Variants in MAGI1 observed in about 807,000 individuals in gnomAD.
The protein encoded by MAGI1 is membrane associated guanylate kinase, WW and PDZ domain containing 1, also known as membrane-associated guanylate kinase, WW and PDZ domain-containing protein 1.
A neutral mutation model predicts 139.9 loss-of-function variants in MAGI1; 58 were observed. The ratio of observed to expected loss-of-function variants is 0.41; its 90% CI spans 0.34 to 0.52. The LOEUF is 0.52. MAGI1 is among the 20% of genes least tolerant of loss of function. The pLI, the probability that MAGI1 is intolerant of heterozygous loss-of-function variation, is 0.12. For missense variants in MAGI1, 1,874 were observed against 1,901.6 expected, an observed-to-expected ratio of 0.99 and a Z score of 0.27; for synonymous variants, 812 against 737.9, an observed-to-expected ratio of 1.10 and a Z score of -1.63.
chr3:65,842,214 C>T (rs952937422), intron 1 of MAGI1, among the ~76,000 whole-genome samples: 7 of 152,092 alleles, frequency 4.6e-5, no homozygotes, highest in African/African-American at 1.7e-4. Flanking sequence ...TAAGAGATAA[C>T]AAACAATACC....
At chr3:65,787,790 C>T (rs1279165992) in intron 1 of MAGI1, among the ~76,000 whole-genome samples, 1 of 151,776 alleles carries the variant, frequency 6.6e-6, no homozygotes, top group African/African-American at 2.4e-5. Context: ...TGTTAGGAGC[C>T]GTTAAAATAT....
intron 1 of MAGI1, among the ~76,000 whole-genome samples, chr3:66,024,963 T>G (rs1051242443): frequency 3.3e-5 from 5 of 152,180 alleles, no homozygotes; most frequent in Admixed American, 6.5e-5. Context: ...AGTTAATATA[T>G]TCTCTGGGGG....
chr3:65,898,540 C>T lies in MAGI1; in HGVS notation c.313+139456G>A, dbSNP rs562896763. Among the ~76,000 whole-genome samples, 3 of 152,270 alleles carry T rather than the reference C, an allele frequency of 2.0e-5. No individual in the cohort carries two copies. The East Asian group carries it at 5.8e-4, about 29-fold the overall frequency. On this transcript the variant is annotated intron_variant, in intron 1 of 22. Coordinates refer to ENST00000402939, the MANE Select transcript of MAGI1 (RefSeq NM_001033057.2). ...AGAACCCTGAAATTCAAATTGTTGA[C>T]AGGTATAGAAAATAGGAGTAAGTTC... is the stretch of plus-strand genomic sequence containing the variant.
intron 10 of MAGI1, among the ~76,000 whole-genome samples, chr3:65,432,184 T>C (rs1295247924): frequency 1.3e-5 from 2 of 152,192 alleles, no homozygotes; most frequent in Non-Finnish European, 2.9e-5. Context: ...GGAACTTCTC[T>C]GATTATCCCA....
At chr3:65,853,340 T>G (rs1044622940) in intron 1 of MAGI1, among the ~76,000 whole-genome samples, 1 of 152,230 alleles carries the variant, frequency 6.6e-6, no homozygotes, top group African/African-American at 2.4e-5. Flanking sequence ...TTGTGTGATA[T>G]AAATAGTTCT....
intron 1 of MAGI1, among the ~76,000 whole-genome samples, chr3:65,783,999 T>G (rs1169156466): frequency 2.0e-5 from 3 of 151,952 alleles, no homozygotes; most frequent in Non-Finnish European, 4.4e-5. Context: ...GGCAGGCACC[T>G]GTAATCCCAG....
intron 2 of MAGI1, among the ~76,000 whole-genome samples, chr3:65,540,068 C>T (rs2079139547): frequency 6.6e-6 from 1 of 152,172 alleles, no homozygotes; most frequent in South Asian, 2.1e-4. Context: ...GAATATTAAA[C>T]AACATATGGA....
At chr3:65,439,557 G>C (rs780267628) in intron 9 of MAGI1, among the ~76,000 whole-genome samples, 25 of 152,132 alleles carry the variant, frequency 1.6e-4, no homozygotes, top group Non-Finnish European at 3.4e-4. Context: ...TGCTAAAAGT[G>C]GTTTGGATTT....
chr3:65,778,445 T>TAAA (rs2038655677), intron 1 of MAGI1, among the ~76,000 whole-genome samples: 1 of 118,160 alleles, frequency 8.5e-6, no homozygotes, highest in Non-Finnish European at 1.7e-5. Context: ...AAAAAAAAAA[T>TAAA]AAATAAATAA....
At chr3:65,541,747 A>C (rs2079236093) in intron 2 of MAGI1, among the ~76,000 whole-genome samples, 1 of 152,152 alleles carries the variant, frequency 6.6e-6, no homozygotes, top group South Asian at 2.1e-4. Context: ...TTCTCAAAAA[A>C]CTAGGTACTG....
intron 1 of MAGI1, among the ~76,000 whole-genome samples, chr3:65,683,258 T>A (rs534692134): frequency 1.3e-5 from 2 of 152,206 alleles, no homozygotes; most frequent in East Asian, 3.9e-4. Flanking sequence ...GTCGTTTATG[T>A]CATCAAGAGG....
chr3:65,476,548 C>T (rs1950902004), intron 4 of MAGI1, among the ~76,000 whole-genome samples: 3 of 152,150 alleles, frequency 2.0e-5, no homozygotes, highest in Non-Finnish European at 4.4e-5. Flanking sequence ...TGCATCTAGA[C>T]TTACAGTAAA....
chr3:65,407,553 GCAC>G (rs1945452706), intron 12 of MAGI1, among the ~76,000 whole-genome samples: 1 of 151,918 alleles, frequency 6.6e-6, no homozygotes, highest in African/African-American at 2.4e-5. Flanking sequence ...TTAAAAATGA[GCAC>G]AACAAAGAAT....
chr3:65,622,568 A>T (rs1012052961), intron 1 of MAGI1, among the ~76,000 whole-genome samples: 4 of 151,788 alleles, frequency 2.6e-5, no homozygotes, highest in South Asian at 4.2e-4. Context: ...TTATTTTTTT[A>T]ATTTTTATTT....
chr3:66,003,668 C>T (rs1347949805), intron 1 of MAGI1, among the ~76,000 whole-genome samples: 1 of 151,992 alleles, frequency 6.6e-6, no homozygotes, highest in East Asian at 1.9e-4. Context: ...TGGGGTTTCA[C>T]ATGTTAGCCA....
chr3:65,693,237 G>A (rs908400770), intron 1 of MAGI1, among the ~76,000 whole-genome samples: 12 of 152,110 alleles, frequency 7.9e-5, no homozygotes, highest in South Asian at 2.1e-4. Flanking sequence ...GAATCACTGC[G>A]CCTGGCCACA....
chr3:65,616,236 G>C (rs1484835365), intron 2 of MAGI1, among the ~76,000 whole-genome samples: 3 of 152,194 alleles, frequency 2.0e-5, no homozygotes, highest in Non-Finnish European at 4.4e-5. Context: ...AAGCAGGCAA[G>C]GGGTGGGTCA....
chr3:65,572,504 C>T (rs1287692949), intron 2 of MAGI1, among the ~76,000 whole-genome samples: 1 of 152,100 alleles, frequency 6.6e-6, no homozygotes, highest in Non-Finnish European at 1.5e-5. Flanking sequence ...AGAAAGACTG[C>T]ATCACAGGGT....
chr3:66,011,888 T>A (rs1044488311), intron 1 of MAGI1, among the ~76,000 whole-genome samples: 4 of 146,302 alleles, frequency 2.7e-5, no homozygotes, highest in African/African-American at 2.5e-5. Context: ...GGCCAGGTAA[T>A]AGTATTAAGT....
Sources: gnomAD v4.1 joint callset for allele counts (sites outside exome capture counted in the v4.1 genomes callset) on GRCh38, gnomAD v4.1.1 for gene constraint, MANE v1.5 for transcripts, NCBI Gene and HGNC (gene_info 2026-07-23, HGNC 2026-07-21) for gene names.